The following ATP8A2 variants were observed in gnomAD, a reference collection of about 807,000 sequenced individuals.
ATP8A2 encodes the protein phospholipid-transporting ATPase IB.
Under a neutral mutation model 165.6 loss-of-function variants are expected in ATP8A2, and 100 were observed. That is an observed-to-expected ratio of 0.60 (90% CI 0.51 to 0.71). The LOEUF (loss-of-function observed/expected upper bound fraction) is 0.71. ATP8A2 is among the 30% of genes least tolerant of loss of function. The pLI, the probability that ATP8A2 is intolerant of heterozygous loss-of-function variation, is 0.00. For synonymous variants in ATP8A2, 543 were observed against 548.8 expected (o/e 0.99, Z 0.15); for missense variants, 1,227 against 1,479.5 (o/e 0.83, Z 2.80).
rs1280141738 is a variant in ATP8A2, at chr13:25,407,804, G to A, written c.76+35516G>A. On this transcript the variant is annotated intron_variant, in intron 1 of 36. Transcript: ENST00000381655. Reference sequence around the variant, plus strand: ...GGGAGATCTACATGGGTTTCCAAAGGCGATTGCAGTCTGTCTTTCTGTAAG... The same window carrying A: ...GGGAGATCTACATGGGTTTCCAAAGACGATTGCAGTCTGTCTTTCTGTAAG... 2.6e-5 allele frequency among the ~76,000 whole-genome samples: 4 copies of A among 152,188 alleles called. No individual in the cohort carries two copies. The East Asian group carries it at 7.7e-4, about 29-fold the overall frequency.
intron 25 of ATP8A2, among the ~76,000 whole-genome samples, chr13:25,720,963 T>C (rs1374597464): frequency 2.8e-4 from 24 of 84,614 alleles, no homozygotes; most frequent in African/African-American, 2.3e-3. Flanking sequence ...AGCTTTAGCT[T>C]TTTTTTTTTT....
At chr13:25,897,420 T>C (rs1953591530) in intron 33 of ATP8A2, among the ~76,000 whole-genome samples, 1 of 152,214 alleles carries the variant, frequency 6.6e-6, no homozygotes, top group Non-Finnish European at 1.5e-5. Context: ...TCTGATGGGC[T>C]TCCCTTTGTG....
At position 26,023,624 on chromosome 13, in the gene ATP8A2, G is replaced by C. The variant is rs866980703; in HGVS notation, c.*3639G>C. 1 of 152,112 alleles carries C rather than the reference G, an allele frequency of 6.6e-6. No homozygotes were observed. The highest frequency in any genetic ancestry group is 2.4e-5 in the African/African-American group (1 of 41,420). 9.4% of individuals were successfully genotyped at this position (152,112 alleles called of 1,614,324 possible). Reference sequence around the variant, plus strand: ...TGTTATAATAATGACCTTTAATCTTGTCATTTGGAACCATAAAGCATTTTT... The same window carrying C: ...TGTTATAATAATGACCTTTAATCTTCTCATTTGGAACCATAAAGCATTTTT... On this transcript the variant is annotated 3_prime_UTR_variant, in exon 37 of 37. Coordinates refer to ENST00000381655, the MANE Select transcript of ATP8A2 (RefSeq NM_016529.6).
At chr13:25,965,992 C>G (rs558969154) in intron 34 of ATP8A2, among the ~76,000 whole-genome samples, 12 of 139,262 alleles carry the variant, frequency 8.6e-5, no homozygotes, top group Middle Eastern at 7.9e-3. Flanking sequence ...ACTTGCTGTT[C>G]TTGCATACAA....
intron 33 of ATP8A2, among the ~76,000 whole-genome samples, chr13:25,956,246 C>T (rs1340912730): frequency 6.6e-6 from 1 of 152,170 alleles, no homozygotes; most frequent in African/African-American, 2.4e-5. Flanking sequence ...TCCTATTTGA[C>T]GTAGTATTGG....
intron 24 of ATP8A2, among the ~76,000 whole-genome samples, chr13:25,652,252 T>G (rs1004714361): frequency 2.6e-5 from 4 of 152,206 alleles, no homozygotes; most frequent in Admixed American, 1.3e-4. Flanking sequence ...GATTTAAATA[T>G]ATTTATTTTC....
intron 2 of ATP8A2, among the ~76,000 whole-genome samples, chr13:25,504,542 C>T (rs1175568708): frequency 6.8e-6 from 1 of 146,598 alleles, no homozygotes; most frequent in Non-Finnish European, 1.5e-5. Context: ...AGATCGAGAC[C>T]ATCCTGGCTA....
At chr13:25,869,049 A>C (rs1485081966) in intron 33 of ATP8A2, among the ~76,000 whole-genome samples, 1 of 134,062 alleles carries the variant, frequency 7.5e-6, no homozygotes, top group African/African-American at 2.9e-5. Context: ...AGCCTGGGCG[A>C]CACAGCGAGA....
chr13:25,718,289 C>A (rs1398202664), intron 25 of ATP8A2, among the ~76,000 whole-genome samples: 1 of 152,160 alleles, frequency 6.6e-6, no homozygotes, highest in African/African-American at 2.4e-5. Flanking sequence ...AGCCTCAAAT[C>A]TAAAACTTCA....
chr13:25,817,385 G>C (rs1951055644), intron 27 of ATP8A2, among the ~76,000 whole-genome samples: 1 of 150,048 alleles, frequency 6.7e-6, no homozygotes, highest in African/African-American at 2.5e-5. Context: ...GTGTTTACCT[G>C]ATGTTCCATA....
At chr13:25,857,490 G>T (rs540226551) in intron 30 of ATP8A2, among the ~76,000 whole-genome samples, 3 of 150,930 alleles carry the variant, frequency 2.0e-5, no homozygotes, top group Non-Finnish European at 2.9e-5. Context: ...TCCTCCCACC[G>T]CAAGCCTCCC....
At chr13:25,864,203 C>T (rs1952437260) in intron 33 of ATP8A2, among the ~76,000 whole-genome samples, 1 of 152,100 alleles carries the variant, frequency 6.6e-6, no homozygotes, top group Admixed American at 6.6e-5. Flanking sequence ...GGGCCTCAGC[C>T]AATGGCCATA....
chr13:25,586,471 G>A (rs2039925180), intron 23 of ATP8A2, among the ~76,000 whole-genome samples: 2 of 152,176 alleles, frequency 1.3e-5, no homozygotes, highest in Admixed American at 6.5e-5. Flanking sequence ...TGTGCTCCAG[G>A]GACAAGGCCT....
intron 33 of ATP8A2, 77 bp downstream of exon 33, chr13:25,862,485 C>T (rs750738313): frequency 9.0e-7 from 1 of 1,116,582 alleles, no homozygotes. Context: ...TGAGCAGGCA[C>T]TGTGTGTCTT....
At chr13:25,957,815 C>T (rs116359813) in intron 33 of ATP8A2, among the ~76,000 whole-genome samples, 2,725 of 152,210 alleles carry the variant, frequency 0.018, 70 homozygotes, top group African/African-American at 0.063. Context: ...CACATGTACA[C>T]GCTTGTTTAT....
chr13:25,822,882 G>A (rs1266239390), intron 27 of ATP8A2, among the ~76,000 whole-genome samples: 1 of 152,002 alleles, frequency 6.6e-6, no homozygotes, highest in Non-Finnish European at 1.5e-5. Flanking sequence ...AATATTCAAG[G>A]CATCTGAAAT....
intron 27 of ATP8A2, among the ~76,000 whole-genome samples, chr13:25,826,636 G>A (rs1951322967): frequency 1.3e-5 from 2 of 152,152 alleles, no homozygotes; most frequent in South Asian, 2.1e-4. Context: ...TGCCAGTTAG[G>A]TTCTACCACA....
chr13:25,765,472 G>T (rs1031983683), intron 25 of ATP8A2, among the ~76,000 whole-genome samples: 4 of 152,170 alleles, frequency 2.6e-5, no homozygotes, highest in African/African-American at 9.7e-5. Context: ...TATGGCTAAA[G>T]TGGAGTGGTG....
At chr13:25,734,406 T>C (rs2043721997) in intron 25 of ATP8A2, among the ~76,000 whole-genome samples, 1 of 152,240 alleles carries the variant, frequency 6.6e-6, no homozygotes, top group South Asian at 2.1e-4. Context: ...AAGTGAGTAG[T>C]GAACTGAACA....
Sources: allele counts gnomAD v4.1 joint callset (sites outside exome capture counted in the v4.1 genomes callset), GRCh38; gene constraint gnomAD v4.1.1; transcripts MANE v1.5; gene names NCBI Gene and HGNC (gene_info 2026-07-23, HGNC 2026-07-21).